The following TFEB variants were observed in gnomAD, a reference collection of about 807,000 sequenced individuals.
TFEB encodes transcription factor EB.
Under a neutral mutation model 48.0 loss-of-function variants are expected in TFEB, and 12 were observed. That is an observed-to-expected ratio of 0.25 (90% CI 0.16 to 0.40). The LOEUF (loss-of-function observed/expected upper bound fraction) is 0.40, where lower values mean the gene tolerates loss of function less well. Ranked by LOEUF, TFEB falls within the 10% of genes least tolerant of loss-of-function variation. The pLI is 1.00. For synonymous variants in TFEB, 244 were observed against 261.4 expected (o/e 0.93, Z 0.64); for missense variants, 509 against 640.3 (o/e 0.79, Z 2.21).
rs1770915299 is a variant in TFEB, at chr6:41,720,111, G to A, written c.-23+15239C>T. Reference sequence around the variant, plus strand: ...GGGCTCTGTGCTCAGTGGGTTGGAAGCCACCCACAGCCTCCTGAAAACTGG... The same window carrying A: ...GGGCTCTGTGCTCAGTGGGTTGGAAACCACCCACAGCCTCCTGAAAACTGG... On this transcript the variant is annotated intron_variant, in intron 1 of 8. Transcript: ENST00000373033. The surrounding 1 kb of genome is among the most constrained non-coding windows in gnomAD (Gnocchi z 4.1). Among the ~76,000 whole-genome samples the A allele has an allele frequency of 6.6e-6, 1 of 152,202 alleles. No homozygotes were observed. The highest frequency in any genetic ancestry group is 1.5e-5 in the Non-Finnish European group (1 of 68,024).
intron 1 of TFEB, among the ~76,000 whole-genome samples, chr6:41,726,588 G>A (rs1035687367): frequency 2.4e-4 from 37 of 151,976 alleles, no homozygotes; most frequent in African/African-American, 6.3e-4. Flanking sequence ...TTACAGGTGC[G>A]TGCCACAACA....
In TFEB at chr6:41,686,082, G is replaced by C; in HGVS notation, c.951+8C>G. 1 of 1,614,238 alleles carries C rather than the reference G, an allele frequency of 6.2e-7. No individual in the cohort carries two copies. The highest frequency in any genetic ancestry group is 8.5e-7 in the Non-Finnish European group (1 of 1,180,042). ...AGTTACCAAAGAAGTCCAAGTTCAG[G>C]ACCAGACCTGGATACGGAGCCAGAG... On this transcript the variant is annotated splice_region_variant and intron_variant, in intron 8 of 8. Transcript: ENST00000373033.
At chr6:41,733,010 G>A in intron 1 of TFEB, 5 of 985,558 alleles carry the variant, frequency 5.1e-6, no homozygotes, top group Middle Eastern at 5.2e-4. Context: ...AACCCAGGGG[G>A]TGGCTGGGCT....
At chr6:41,689,120 C>T (rs1171479085) in intron 4 of TFEB, among the ~76,000 whole-genome samples, 4 of 152,170 alleles carry the variant, frequency 2.6e-5, no homozygotes, top group African/African-American at 9.7e-5. Context: ...GTTTAGTATG[C>T]TTGAGGGATT....
Position 41,687,813 on chromosome 6 carries a change from G to A in TFEB, c.671-4C>T. 6.2e-7 allele frequency: 1 copy of A among 1,613,546 alleles called. No individual in the cohort carries two copies. On this transcript the variant is annotated splice_region_variant and splice_polypyrimidine_tract_variant and intron_variant, in intron 5 of 8. Transcript: ENST00000373033. ...GCCAGGGCCCTGCTCTCAGCATCTGGAGGCCAAAAGAGAAGGAGAGAGGAG... is the reference window on the plus strand; with the variant it reads ...GCCAGGGCCCTGCTCTCAGCATCTGAAGGCCAAAAGAGAAGGAGAGAGGAG...
At chr6:41,735,139 G>A in intron 1 of TFEB, 8 of 957,228 alleles carry the variant, frequency 8.4e-6, no homozygotes, top group Non-Finnish European at 9.9e-6. Context: ...GGGGCTCCCG[G>A]CTCGGCGGGC....
At chr6:41,703,464 T>A (rs922396174) in intron 1 of TFEB, among the ~76,000 whole-genome samples, 2 of 146,104 alleles carry the variant, frequency 1.4e-5, no homozygotes, top group African/African-American at 2.7e-5. Context: ...CTGCTCCTCC[T>A]CCGTCATCTG....
chr6:41,719,173 G>T (rs1024677599), intron 1 of TFEB, among the ~76,000 whole-genome samples: 12 of 152,152 alleles, frequency 7.9e-5, no homozygotes, highest in Non-Finnish European at 1.3e-4. Flanking sequence ...CTCCTTAGGA[G>T]AATCTAATGC....
At position 41,730,626 on chromosome 6, in the gene TFEB, C is replaced by A. The variant is rs536355902; in HGVS notation, c.-23+4724G>T. On this transcript the variant is annotated intron_variant, in intron 1 of 8. Transcript: ENST00000373033. The surrounding 1 kb of genome is among the most constrained non-coding windows in gnomAD (Gnocchi z 4.1). ...CTCTGCTCCTCTTGGCTCTCACCCACGGCTTTGCCATTTCACAGCAAAGCA... is the reference window on the plus strand; with the variant it reads ...CTCTGCTCCTCTTGGCTCTCACCCAAGGCTTTGCCATTTCACAGCAAAGCA... 6.6e-6 allele frequency among the ~76,000 whole-genome samples: 1 copy of A among 152,244 alleles called. No homozygotes were observed. The highest frequency in any genetic ancestry group is 6.5e-5 in the Admixed American group (1 of 15,286).
At chr6:41,715,188 C>A (rs1339244743) in intron 1 of TFEB, among the ~76,000 whole-genome samples, 1 of 152,138 alleles carries the variant, frequency 6.6e-6, no homozygotes, top group African/African-American at 2.4e-5. Flanking sequence ...ACAGTTTTCT[C>A]TGGCCTCTCC....
At chr6:41,696,946 G>A (rs1336244292) in intron 1 of TFEB, among the ~76,000 whole-genome samples, 1 of 152,136 alleles carries the variant, frequency 6.6e-6, no homozygotes, top group Non-Finnish European at 1.5e-5. Flanking sequence ...TGTCTGGGAG[G>A]GGACACAAGA....
intron 1 of TFEB, chr6:41,733,102 G>A (rs1377575505): frequency 1.0e-6 from 1 of 969,666 alleles, no homozygotes. Flanking sequence ...AGCCCCAGGA[G>A]GGCTCAGGGC....
chr6:41,689,005 G>T (rs910700288), intron 4 of TFEB, among the ~76,000 whole-genome samples: 2 of 152,210 alleles, frequency 1.3e-5, no homozygotes, highest in African/African-American at 4.8e-5. Flanking sequence ...GTACACACCT[G>T]CCACCTTTGT....
chr6:41,731,154 C>G (rs1219267469), intron 1 of TFEB, among the ~76,000 whole-genome samples: 1 of 152,196 alleles, frequency 6.6e-6, no homozygotes, highest in African/African-American at 2.4e-5. Flanking sequence ...TATCGGCATA[C>G]TCAGCCCTCA....
Position 41,684,473 on chromosome 6 carries a change from G to A in TFEB, c.*126C>T. The A allele has an allele frequency of 8.1e-7, 1 of 1,234,418 alleles. No individual in the cohort carries two copies. The highest frequency in any genetic ancestry group is 1.1e-6 in the Non-Finnish European group (1 of 941,896). The allele number at this position is 1,234,418 out of a possible 1,614,324, so 76.5% of individuals were successfully genotyped here. A position where few individuals can be genotyped will look rare whatever the true frequency, so the allele number is the denominator to read the frequency against. On this transcript the variant is annotated 3_prime_UTR_variant, in exon 9 of 9. Transcript: ENST00000373033. ...CACTAAGTCCAAACAGGGGCCAACGGGGAGGAGGGAGGCAGGGCAGGTGGC... is the reference window on the plus strand; with the variant it reads ...CACTAAGTCCAAACAGGGGCCAACGAGGAGGAGGGAGGCAGGGCAGGTGGC...
rs1771123498 is a variant in TFEB, at chr6:41,724,464, C to A, written c.-23+10886G>T. ...GGAGATGCCAGCAATGTGAGGGAAG[C>A]CCAGAACAGTGAGGCCAGAGAGGCC... On this transcript the variant is annotated intron_variant, in intron 1 of 8. Transcript: ENST00000373033. This position sits in a 1 kb window ranked among gnomAD's most constrained non-coding sequence, Gnocchi z 4.4. Among the ~76,000 whole-genome samples, 2 of 152,038 alleles carry A rather than the reference C, an allele frequency of 1.3e-5. No homozygotes were observed. The highest frequency in any genetic ancestry group is 2.9e-5 in the Non-Finnish European group (2 of 68,016).
rs1196167103 is a variant in TFEB, at chr6:41,684,638, G to T, written c.1392C>A (p.Arg464=). The T allele has an allele frequency of 1.2e-6, 2 of 1,607,862 alleles. No homozygotes were observed. Among genetic ancestry groups the T allele is most frequent in the Non-Finnish European group, 1.7e-6 (2 of 1,177,196 alleles). The part of the protein sequence containing the change: ...MSPEASKASS[R]RSSFSMEEGD... ...CCTCCTCCATGCTGAAGCTGCTCCG[G>T]CGGCTGCTGGCCTTGGAGGCCTCGG... Residue 464 remains arginine, a synonymous_variant, in exon 9 of 9, where the codon CGC becomes CGA. Coordinates refer to ENST00000373033, the MANE Select transcript of TFEB (RefSeq NM_001271944.2).
At chr6:41,728,357 T>C (rs1247963779) in intron 1 of TFEB, among the ~76,000 whole-genome samples, 1 of 152,110 alleles carries the variant, frequency 6.6e-6, no homozygotes, top group African/African-American at 2.4e-5. Context: ...CTTGACAACA[T>C]GGGGGCAGCG....
upstream of TFEB, among the ~76,000 whole-genome samples, chr6:41,735,835 C>A (rs1771658505): frequency 6.6e-6 from 1 of 152,202 alleles, no homozygotes; most frequent in South Asian, 2.1e-4. Context: ...TCAGTAAAGT[C>A]CCAAACCAGG....
Sources: allele counts gnomAD v4.1 joint callset (sites outside exome capture counted in the v4.1 genomes callset), GRCh38; gene constraint gnomAD v4.1.1; non-coding constraint Gnocchi (gnomAD v3.1); transcripts MANE v1.5; gene names NCBI Gene and HGNC (gene_info 2026-07-23, HGNC 2026-07-21).